Variants in LMO7 observed in about 807,000 individuals in gnomAD.
LMO7 encodes LIM domain 7, also known as LIM domain only protein 7.
A neutral mutation model predicts 206.5 loss-of-function variants in LMO7; 120 were observed. The observed-to-expected ratio is 0.58, with a 90% CI of 0.50 to 0.68. The LOEUF (loss-of-function observed/expected upper bound fraction) is 0.68. Ranked by LOEUF, LMO7 falls within the 30% of genes least tolerant of loss-of-function variation. The pLI, the probability that LMO7 is intolerant of heterozygous loss-of-function variation, is 0.00. For missense variants in LMO7, 1,959 were observed against 1,957.9 expected, an observed-to-expected ratio of 1.00 and a Z score of -0.01; for synonymous variants, 706 against 681.5, an observed-to-expected ratio of 1.04 and a Z score of -0.56.
intron 3 of LMO7, among the ~76,000 whole-genome samples, chr13:75,732,172 G>A (rs1053636528): frequency 1.6e-4 from 25 of 152,082 alleles, no homozygotes; most frequent in African/African-American, 5.1e-4. Context: ...ATGTTGGCCT[G>A]CCTTGCTAGA....
chr13:75,696,302 C>A (rs1257930229), intron 1 of LMO7, among the ~76,000 whole-genome samples: 1 of 152,072 alleles, frequency 6.6e-6, no homozygotes, highest in African/African-American at 2.4e-5. Context: ...TTGCAGTGAT[C>A]CGAGATTGTG....
At chr13:75,759,958 T>C (rs1364773117) in intron 3 of LMO7, among the ~76,000 whole-genome samples, 1 of 152,150 alleles carries the variant, frequency 6.6e-6, no homozygotes, top group Non-Finnish European at 1.5e-5. Context: ...GTTGGCATGC[T>C]GGGAGGCCAC....
rs1340416681 is a variant in LMO7, at chr13:75,630,832, T to G, written c.225+7512T>G. Among the ~76,000 whole-genome samples, 9 of 152,254 alleles carry G rather than the reference T, an allele frequency of 5.9e-5. No individual in the cohort carries two copies. In the East Asian group the frequency reaches 9.7e-4, roughly 16 times the overall value. On this transcript the variant is annotated intron_variant, in intron 2 of 29. Transcript: ENST00000341547. ...CTTTTTTCTTTTTTTCTTTTTGTAT[T>G]TTTAGTAGAGATGGAGTTTCGCCAT...
intron 1 of LMO7, among the ~76,000 whole-genome samples, chr13:75,642,078 C>T (rs2139020170): frequency 6.6e-6 from 1 of 152,218 alleles, no homozygotes; most frequent in South Asian, 2.1e-4. Context: ...TTAATGAAGT[C>T]CTCTTGGGAA....
At chr13:75,802,962 T>G (rs1229803071) in intron 7 of LMO7, among the ~76,000 whole-genome samples, 1 of 152,234 alleles carries the variant, frequency 6.6e-6, no homozygotes, top group Non-Finnish European at 1.5e-5. Flanking sequence ...GACACCGTAC[T>G]GGGCTAAAAA....
At chr13:75,730,966 T>C (rs1290903393) in intron 3 of LMO7, among the ~76,000 whole-genome samples, 5 of 151,492 alleles carry the variant, frequency 3.3e-5, no homozygotes, top group Non-Finnish European at 1.5e-5. Flanking sequence ...TCCTGAGTTC[T>C]AGTTTGATTG....
At chr13:75,632,573 A>G (rs1203632803), upstream of LMO7, among the ~76,000 whole-genome samples, 2 of 152,230 alleles carry the variant, frequency 1.3e-5, no homozygotes, top group Non-Finnish European at 2.9e-5. Context: ...CAGATGAAGA[A>G]ATTGAAGCTT....
chr13:75,841,751 G>A lies in LMO7; in HGVS notation c.3799G>A (p.Glu1267Lys). ...SSDREGTRAG[E>K]EERRQPQEEV... is the part of the protein sequence containing the mutation. ...AGACAGAGAAGGAACCCGAGCAGGA[G>A]AAGAGGAGAGGAGACAGCCACAAGA... is the stretch of plus-strand genomic sequence containing the variant. Residue 1267 changes from glutamate (E) to lysine (K), a missense_variant, in exon 24 of 31, where the codon GAA becomes AAA. By Grantham distance (56) the Glu-to-Lys change is moderately conservative. Coordinates refer to ENST00000377534, the MANE Select transcript of LMO7 (RefSeq NM_001306080.2). 2 of 1,614,126 alleles carry A rather than the reference G, an allele frequency of 1.2e-6. No individual in the cohort carries two copies. Among genetic ancestry groups the A allele is most frequent in the East Asian group, 2.2e-5 (1 of 44,870 alleles).
intron 1 of LMO7, among the ~76,000 whole-genome samples, chr13:75,687,157 A>AT (rs1428135079): frequency 6.6e-6 from 1 of 152,090 alleles, no homozygotes; most frequent in Non-Finnish European, 1.5e-5. Context: ...TCCTGGATTT[A>AT]TTTTTTGTGA....
At chr13:75,774,739 C>T (rs1271134114) in intron 4 of LMO7, among the ~76,000 whole-genome samples, 1 of 152,006 alleles carries the variant, frequency 6.6e-6, no homozygotes. Context: ...ATAAAACTTC[C>T]TTATATATTG....
intron 1 of LMO7, among the ~76,000 whole-genome samples, chr13:75,690,906 A>C (rs561988284): frequency 6.6e-6 from 1 of 152,178 alleles, no homozygotes; most frequent in Non-Finnish European, 1.5e-5. Context: ...AATTGCCACT[A>C]CTTTTTCTGA....
At chr13:75,634,372 A>G (rs1157899035), upstream of LMO7, among the ~76,000 whole-genome samples, 2 of 151,644 alleles carry the variant, frequency 1.3e-5, no homozygotes, top group Non-Finnish European at 2.9e-5. Context: ...CAGGAGTTCA[A>G]GGTCACGGGG....
intron 22 of LMO7, among the ~76,000 whole-genome samples, chr13:75,840,718 T>C (rs544360301): frequency 1.0e-3 from 157 of 152,334 alleles, no homozygotes; most frequent in Admixed American, 2.9e-3. Context: ...ATGTGTGTTT[T>C]TGTAGAGTAT....
intron 6 of LMO7, among the ~76,000 whole-genome samples, chr13:75,799,764 A>G (rs1300377965): frequency 6.6e-6 from 1 of 152,228 alleles, no homozygotes; most frequent in Non-Finnish European, 1.5e-5. Flanking sequence ...AAAAAATTAT[A>G]GTTACGAGAT....
intron 3 of LMO7, among the ~76,000 whole-genome samples, chr13:75,737,774 A>G (rs2045996054): frequency 2.6e-5 from 1 of 38,330 alleles, no homozygotes; most frequent in Non-Finnish European, 5.2e-5. Context: ...AAATAAAATA[A>G]AATAAAATAA....
chr13:75,681,738 A>ATATATATG (rs1474177931), intron 1 of LMO7, among the ~76,000 whole-genome samples: 4 of 135,230 alleles, frequency 3.0e-5, no homozygotes, highest in African/African-American at 1.1e-4. Context: ...ATATATATAT[A>ATATATATG]TATATATATA....
intron 3 of LMO7, among the ~76,000 whole-genome samples, chr13:75,742,379 A>T (rs527934234): frequency 1.1e-4 from 16 of 152,124 alleles, no homozygotes; most frequent in African/African-American, 2.4e-4. Flanking sequence ...TGGAAAAAAA[A>T]TTTTTAATAT....
chr13:75,737,831 C>A (rs1473595710), intron 3 of LMO7, among the ~76,000 whole-genome samples: 4 of 47,660 alleles, frequency 8.4e-5, no homozygotes, highest in African/African-American at 1.9e-4. Context: ...TATAGATTCA[C>A]AGGAAGCTGC....
intron 4 of LMO7, among the ~76,000 whole-genome samples, chr13:75,786,382 T>C (rs36117310): frequency 1.5e-3 from 225 of 151,548 alleles, no homozygotes; most frequent in Non-Finnish European, 2.9e-3. Context: ...TTCTTCTTTT[T>C]TTTTTTTTTT....
Sources: gnomAD v4.1 joint callset for allele counts (sites outside exome capture counted in the v4.1 genomes callset) on GRCh38, gnomAD v4.1.1 for gene constraint, MANE v1.5 for transcripts, NCBI Gene and HGNC (gene_info 2026-07-23, HGNC 2026-07-21) for gene names.